The following XKR8 variants were observed in gnomAD, a reference collection of about 807,000 sequenced individuals.
XKR8 encodes XK related 8.
A neutral mutation model predicts 17.1 loss-of-function variants in XKR8; 10 were observed. The observed-to-expected ratio is 0.59, with a 90% confidence interval of 0.36 to 0.99. The LOEUF (loss-of-function observed/expected upper bound fraction) is 0.99, where lower values mean the gene tolerates loss of function less well. XKR8 is among the 50% of genes least tolerant of loss of function. XKR8 has a pLI of 0.01. For synonymous variants in XKR8, 213 were observed against 251.9 expected (o/e 0.85, Z 1.46); for missense variants, 411 against 515.6 (o/e 0.80, Z 1.96).
chr1:27,961,354 C>A (rs1162464062), intron 1 of XKR8, among the ~76,000 whole-genome samples: 3 of 152,172 alleles, frequency 2.0e-5, no homozygotes, highest in African/African-American at 7.2e-5. Flanking sequence ...GATGGGGTGG[C>A]CAGGGCCAGG....
rs780507359 is a variant in XKR8, at chr1:27,966,566, T to C, written c.554T>C (p.Leu185Ser). The stretch of plus-strand genomic sequence containing the variant: ...GCACTGCTCGACTACCACCGGGCCT[T>C]GCGCACCTGCCTCCCCTCCAAGCCG... ...SWALLDYHRALRTCLPSKPLL... is the reference protein window; with the variant it reads ...SWALLDYHRASRTCLPSKPLL... The change falls in exon 3 of 3, where the codon TTG becomes TCG. Residue 185 changes from leucine (L) to serine (S), a missense_variant. Coordinates refer to ENST00000373884, the MANE Select transcript of XKR8 (RefSeq NM_018053.4). This position sits in a 1 kb window ranked among gnomAD's most constrained non-coding sequence, Gnocchi z 4.3. 6.2e-7 allele frequency: 1 copy of C among 1,614,062 alleles called. No homozygotes were observed. The highest frequency in any genetic ancestry group is 1.1e-5 in the South Asian group (1 of 91,080).
rs1638519245 is a variant in XKR8 at position 27,963,841 on chromosome 1, C to A, written c.490+148C>A. ...GCAGATCTGGCTTGAAACCTAAAGT[C>A]ACTCTACAGCTGTTTGAGTTTGGAC... is the stretch of plus-strand genomic sequence containing the variant. On this transcript the variant is annotated intron_variant, in intron 2 of 2. Coordinates refer to ENST00000373884, the MANE Select transcript of XKR8 (RefSeq NM_018053.4). 4 of 798,718 alleles carry A rather than the reference C, an allele frequency of 5.0e-6. No homozygotes were observed. In the South Asian group the frequency reaches 5.9e-5, roughly 12 times the overall value. The allele number at this position is 798,718 out of a possible 1,614,324, so 49.5% of individuals were successfully genotyped here.
Position 27,966,462 on chromosome 1 carries a change from G to A in XKR8, c.491-41G>A, listed in dbSNP as rs1557506980. 6.4e-7 allele frequency: 1 copy of A among 1,567,042 alleles called. No individual in the cohort carries two copies. Among genetic ancestry groups the A allele is most frequent in the East Asian group, 2.3e-5 (1 of 44,340 alleles). ...TGTGACCGCTGGGGAGTGCCAAGCA[G>A]GCTGGCCCCAGGACTCACTGTTCCC... On this transcript the variant is annotated intron_variant, in intron 2 of 2. Transcript: ENST00000373884. This position sits in a 1 kb window ranked among gnomAD's most constrained non-coding sequence, Gnocchi z 4.3.
intron 1 of XKR8, 72 bp from the exon 2 acceptor site, chr1:27,963,425 T>C (rs1638508315): frequency 6.6e-7 from 1 of 1,514,292 alleles, no homozygotes; most frequent in East Asian, 2.3e-5. Flanking sequence ...GTCCACTCAT[T>C]AGATGGGTGG....
intron 1 of XKR8, 51 bp from the exon 2 acceptor site, chr1:27,963,446 A>C (rs746732983): frequency 6.5e-7 from 1 of 1,550,352 alleles, no homozygotes; most frequent in South Asian, 1.2e-5. Flanking sequence ...GAGGCTGAGG[A>C]ATTCACAGGA....
chr1:27,966,928 C>T lies in XKR8; in HGVS notation c.916C>T (p.His306Tyr), dbSNP rs1638586379. 4 of 1,614,220 alleles carry T rather than the reference C, an allele frequency of 2.5e-6. No homozygotes were observed. Among genetic ancestry groups the T allele is most frequent in the Non-Finnish European group, 3.4e-6 (4 of 1,180,034 alleles). ...SILLVATWVTHSSWLPSGIPL... is the reference protein window; with the variant it reads ...SILLVATWVTYSSWLPSGIPL... ...TCTCCTGGTGGCCACCTGGGTGACTCATAGCTCCTGGCTGCCCAGCGGGAT... is the reference window on the plus strand; with the variant it reads ...TCTCCTGGTGGCCACCTGGGTGACTTATAGCTCCTGGCTGCCCAGCGGGAT... Residue 306 changes from histidine to tyrosine, a missense_variant, in exon 3 of 3, where the codon CAT becomes TAT. Coordinates refer to ENST00000373884, the MANE Select transcript of XKR8 (RefSeq NM_018053.4). This position sits in a 1 kb window ranked among gnomAD's most constrained non-coding sequence, Gnocchi z 4.3.
rs1638560376 is a variant in XKR8, at chr1:27,965,971, G to T, written c.491-532G>T. ...TGGCCTCTGGTCTTGGAGGGGAGGGGAGGGGAGTGGGGAGACCTTCTGTCC... is the reference window on the plus strand; with the variant it reads ...TGGCCTCTGGTCTTGGAGGGGAGGGTAGGGGAGTGGGGAGACCTTCTGTCC... On this transcript the variant is annotated intron_variant, in intron 2 of 2. Coordinates refer to ENST00000373884, the MANE Select transcript of XKR8 (RefSeq NM_018053.4). The surrounding 1 kb of genome is among the most constrained non-coding windows in gnomAD (Gnocchi z 4.1). Among the ~76,000 whole-genome samples, 1 of 152,108 alleles carries T rather than the reference G, an allele frequency of 6.6e-6. No homozygotes were observed. Among genetic ancestry groups the T allele is most frequent in the South Asian group, 2.1e-4 (1 of 4,826 alleles).
At position 27,960,200 on chromosome 1, in the gene XKR8, T is replaced by A; in HGVS notation, c.131T>A (p.Leu44Gln). 6.5e-7 allele frequency: 1 copy of A among 1,526,732 alleles called. No individual in the cohort carries two copies. The highest frequency in any genetic ancestry group is 1.2e-5 in the South Asian group (1 of 82,792). 94.6% of individuals were successfully genotyped at this position (1,526,732 alleles called of 1,614,324 possible). ...AVQYALGGRY[L>Q]WAALVLALLG... is the part of the protein sequence containing the mutation. ...CAGTATGCGCTCGGCGGCCGCTACC[T>A]GTGGGCGGCGCTGGTGCTGGCGCTG... The change falls in exon 1 of 3, where the codon CTG (leucine) becomes CAG (glutamine). Residue 44 changes from leucine (L) to glutamine (Q), a missense_variant. Physicochemically the swap from Leu to Gln is moderately radical, Grantham distance 113. Transcript: ENST00000373884. The surrounding 1 kb of genome is among the most constrained non-coding windows in gnomAD (Gnocchi z 5.9).
At chr1:27,963,316 G>A (rs1371979355) in intron 1 of XKR8, among the ~76,000 whole-genome samples, 181 bp from the exon 2 acceptor site, 3 of 152,196 alleles carry the variant, frequency 2.0e-5, no homozygotes, top group Admixed American at 6.5e-5. Flanking sequence ...CACCACACCC[G>A]GCCTCGATCC....
Position 27,967,235 on chromosome 1 carries a change from G to A in XKR8, c.*35G>A. 1 of 1,519,798 alleles carries A rather than the reference G, an allele frequency of 6.6e-7. No homozygotes were observed. Among genetic ancestry groups the A allele is most frequent in the Non-Finnish European group, 8.8e-7 (1 of 1,134,714 alleles). The allele number at this position is 1,519,798 out of a possible 1,614,324, so 94.1% of individuals were successfully genotyped here. A position where few individuals can be genotyped will look rare whatever the true frequency, so the allele number is the denominator to read the frequency against. The stretch of plus-strand genomic sequence containing the variant: ...GTCCTTTGAAGCAGGATCAGACCCA[G>A]CCAGCAGAGATGGAGAGTGACTCTG... On this transcript the variant is annotated 3_prime_UTR_variant, in exon 3 of 3. Coordinates refer to ENST00000373884, the MANE Select transcript of XKR8 (RefSeq NM_018053.4). The surrounding 1 kb of genome is among the most constrained non-coding windows in gnomAD (Gnocchi z 4.3).
At chr1:27,961,982 A>T (rs965449645) in intron 1 of XKR8, among the ~76,000 whole-genome samples, 1 of 152,084 alleles carries the variant, frequency 6.6e-6, no homozygotes, top group Non-Finnish European at 1.5e-5. Context: ...CTCCATCCTT[A>T]ACCACTCAGG....
In XKR8 at chr1:27,965,402, G is replaced by A. The variant is rs910831279; in HGVS notation, c.491-1101G>A. Among the ~76,000 whole-genome samples the A allele has an allele frequency of 3.9e-5, 6 of 152,118 alleles. No homozygotes were observed. Among genetic ancestry groups the A allele is most frequent in the African/African-American group, 9.7e-5 (4 of 41,414 alleles). Reference sequence around the variant, plus strand: ...TGAGCAGAGTCTGTTTTCTACCCTCGAGGAGCCCAGAGATAAGGAAATAGA... The same window carrying A: ...TGAGCAGAGTCTGTTTTCTACCCTCAAGGAGCCCAGAGATAAGGAAATAGA... On this transcript the variant is annotated intron_variant, in intron 2 of 2. Coordinates refer to ENST00000373884, the MANE Select transcript of XKR8 (RefSeq NM_018053.4). The surrounding 1 kb of genome is among the most constrained non-coding windows in gnomAD (Gnocchi z 4.1).
chr1:27,961,114 T>C (rs1638463331), intron 1 of XKR8, among the ~76,000 whole-genome samples: 1 of 152,188 alleles, frequency 6.6e-6, no homozygotes, highest in Non-Finnish European at 1.5e-5. Flanking sequence ...CTGGTTGTAT[T>C]CTTCCCCCTG....
At position 27,963,703 on chromosome 1, in the gene XKR8, G is replaced by A. The variant is rs1277704300; in HGVS notation, c.490+10G>A. 2.0e-6 allele frequency: 3 copies of A among 1,533,272 alleles called. No individual in the cohort carries two copies. The highest frequency in any genetic ancestry group is 1.8e-6 in the Non-Finnish European group (2 of 1,135,740). The allele number at this position is 1,533,272 out of a possible 1,614,324, so 95.0% of individuals were successfully genotyped here. On this transcript the variant is annotated intron_variant, in intron 2 of 2. Coordinates refer to ENST00000373884, the MANE Select transcript of XKR8 (RefSeq NM_018053.4). The stretch of plus-strand genomic sequence containing the variant: ...GCTGAGTACTACCAGTGTGAGTGAA[G>A]GCCTGTGGCTGGCCCCCCTGTCGTG...
rs546676876 is a variant in XKR8, at chr1:27,960,518, T to C, written c.293+156T>C. 3.3e-5 allele frequency among the ~76,000 whole-genome samples: 5 copies of C among 152,244 alleles called. No homozygotes were observed. The highest frequency in any genetic ancestry group is 1.2e-4 in the African/African-American group (5 of 41,540). On this transcript the variant is annotated intron_variant, in intron 1 of 2. Transcript: ENST00000373884. This position sits in a 1 kb window ranked among gnomAD's most constrained non-coding sequence, Gnocchi z 5.9. The stretch of plus-strand genomic sequence containing the variant: ...GGCCTACAGGTGAGCGTGCAGCCCT[T>C]TACGGAAAGGGAATCCCGGTAGACT...
chr1:27,962,732 C>T (rs6683984), intron 1 of XKR8, among the ~76,000 whole-genome samples: 36,651 of 151,874 alleles, frequency 0.24, 4,482 homozygotes, highest in South Asian at 0.26. Context: ...GCTTGGACTA[C>T]AGGCTTGTAC....
chr1:27,962,996 GGAGTA>G (rs1158553764), intron 1 of XKR8, among the ~76,000 whole-genome samples: 1 of 152,138 alleles, frequency 6.6e-6, no homozygotes, highest in African/African-American at 2.4e-5. Context: ...TTAGCCAGCG[GGAGTA>G]GAAGGTGTAT....
Position 27,966,376 on chromosome 1 carries a change from T to G in XKR8, c.491-127T>G. ...GGTCTTCTCTAGCTGCAGATTTGCC[T>G]TCAACAAACGAGGGATTCTAATACC... On this transcript the variant is annotated intron_variant, in intron 2 of 2. Transcript: ENST00000373884. This position sits in a 1 kb window ranked among gnomAD's most constrained non-coding sequence, Gnocchi z 4.3. 1.1e-6 allele frequency: 1 copy of G among 908,700 alleles called. No homozygotes were observed. Among genetic ancestry groups the G allele is most frequent in the South Asian group, 1.7e-5 (1 of 57,744 alleles). 56.3% of individuals were successfully genotyped at this position (908,700 alleles called of 1,614,324 possible).
rs796735964 is a variant in XKR8 at position 27,967,257 on chromosome 1, T to C, written c.*57T>C. On this transcript the variant is annotated 3_prime_UTR_variant, in exon 3 of 3. Transcript: ENST00000373884. The surrounding 1 kb of genome is among the most constrained non-coding windows in gnomAD (Gnocchi z 4.3). ...CCAGCCAGCAGAGATGGAGAGTGAC[T>C]CTGTTGGCAGAAGGCAGGCGAGGAT... is the stretch of plus-strand genomic sequence containing the variant. The C allele has an allele frequency of 2.7e-5, 41 of 1,502,622 alleles. No individual in the cohort carries two copies. The African/African-American group carries it at 5.3e-4, about 19-fold the overall frequency. 93.1% of individuals were successfully genotyped at this position (1,502,622 alleles called of 1,614,324 possible).
Sources: allele counts gnomAD v4.1 joint callset (sites outside exome capture counted in the v4.1 genomes callset), GRCh38; gene constraint gnomAD v4.1.1; non-coding constraint Gnocchi (gnomAD v3.1); transcripts MANE v1.5; gene names NCBI Gene and HGNC (gene_info 2026-07-23, HGNC 2026-07-21).